SYDE2: variants seen among roughly 807,000 people sequenced by gnomAD.
SYDE2 encodes the protein synapse defective Rho GTPase homolog 2, also known as rho GTPase-activating protein SYDE2.
A neutral mutation model predicts 91.5 loss-of-function variants in SYDE2; 76 were observed. The observed-to-expected ratio is 0.83, with a 90% CI of 0.69 to 1.01. SYDE2 has a LOEUF of 1.01. Ranked by LOEUF, SYDE2 falls within the 50% of genes least tolerant of loss-of-function variation. The pLI is 0.00. For missense variants in SYDE2, 1,364 were observed against 1,367.7 expected (o/e 1.00, Z 0.04); for synonymous variants, 513 against 506.4 (o/e 1.01, Z -0.18).
chr1:85,183,117 C>CT lies in SYDE2; in HGVS notation c.1524dup (p.Gly509ArgfsTer5), dbSNP rs1658002013. 1 of 1,613,120 alleles carries CT rather than the reference C, an allele frequency of 6.2e-7. No homozygotes were observed. On this transcript the variant is annotated frameshift_variant, in exon 3 of 7. Transcript: ENST00000341460. LOFTEE classifies it high-confidence loss of function. Reference sequence around the variant, plus strand: ...GGCAATGACCAATTAATTGAACTGCCTTTTTTCACAGGGCTAGGATTTGGA... The same window carrying CT: ...GGCAATGACCAATTAATTGAACTGCCTTTTTTTCACAGGGCTAGGATTTGGA...
intron 6 of SYDE2, 94 bp from the exon 7 acceptor site, chr1:85,159,343 A>G (rs1656980716): frequency 2.9e-6 from 2 of 686,082 alleles, no homozygotes; most frequent in Middle Eastern, 3.3e-4. Context: ...ATCATCAACT[A>G]CAAACATGCA....
intron 4 of SYDE2, among the ~76,000 whole-genome samples, chr1:85,172,238 T>C (rs1657527739): frequency 6.6e-6 from 1 of 152,164 alleles, no homozygotes; most frequent in Non-Finnish European, 1.5e-5. Flanking sequence ...ATCTGATGGC[T>C]TCTGTTTTCT....
intron 4 of SYDE2, among the ~76,000 whole-genome samples, chr1:85,173,953 A>C (rs541485838): frequency 1.4e-4 from 21 of 152,206 alleles, no homozygotes; most frequent in Non-Finnish European, 2.4e-4. Flanking sequence ...TGAAACTAAA[A>C]ATGCAATGAA....
chr1:85,179,940 T>A (rs1657847163), intron 3 of SYDE2, among the ~76,000 whole-genome samples: 1 of 141,692 alleles, frequency 7.1e-6, no homozygotes, highest in South Asian at 2.1e-4. Flanking sequence ...TATAATTTTT[T>A]AAAAGATGAA....
chr1:85,169,050 A>C lies in SYDE2; in HGVS notation c.2847T>G (p.Ile949Met). 4.3e-6 allele frequency: 7 copies of C among 1,613,796 alleles called. No individual in the cohort carries two copies. Among genetic ancestry groups the C allele is most frequent in the Non-Finnish European group, 5.9e-6 (7 of 1,179,730 alleles). The change falls in exon 5 of 7, where the codon ATT (isoleucine) becomes ATG (methionine). Residue 949 changes from isoleucine (I) to methionine (M), a missense_variant. Physicochemically the swap from Ile to Met is conservative, Grantham distance 10 (BLOSUM62 1). Transcript: ENST00000341460. The part of the protein sequence containing the change: ...TVDLLDCLPE[I>M]EKATLKMLLD... ...GTATACTGGTAATGCTTACCTTCTC[A>C]ATCTCTGGCAGACAATCCAGCAGGT...
Position 85,200,944 on chromosome 1 carries a change from G to C in SYDE2, c.53C>G (p.Ala18Gly), listed in dbSNP as rs748480058. ...SGARRGGRGL[A>G]DHSFPAGARA... ...GGCTCCCGCGGGGAAGCTGTGATCC[G>C]CCAAGCCCCTGCCGCCCCGCCGCGC... Residue 18 changes from alanine (A) to glycine (G), a missense_variant, in exon 1 of 7, where the codon GCG (alanine) becomes GGG (glycine). Transcript: ENST00000341460. 40 of 1,299,320 alleles carry C rather than the reference G, an allele frequency of 3.1e-5. 1 individual carries two copies. The highest frequency in any genetic ancestry group is 3.8e-5 in the Non-Finnish European group (39 of 1,032,430). 80.5% of individuals were successfully genotyped at this position (1,299,320 alleles called of 1,614,324 possible). A position where few individuals can be genotyped will look rare whatever the true frequency, so the allele number is the denominator to read the frequency against.
chr1:85,170,114 C>CT (rs5775829), intron 4 of SYDE2, among the ~76,000 whole-genome samples: 97,767 of 131,248 alleles, frequency 0.74, 37,474 homozygotes, highest in South Asian at 0.93. Flanking sequence ...CTTCCCATCT[C>CT]TTTTTTTTTT....
rs770129767 is a variant in SYDE2 at position 85,182,614 on chromosome 1, C to T, written c.2028G>A (p.Gln676=). ...GTACACTCATGAGCCCAGATATGTA[C>T]TGTGAACACTTAGGTTGATCAGAAA... ...YSFSDQPKCS[Q]YISGLMSVHF... The change falls in exon 3 of 7, where the codon CAG becomes CAA. Residue 676 remains glutamine (Q), a synonymous_variant. Coordinates refer to ENST00000341460, the MANE Select transcript of SYDE2 (RefSeq NM_032184.2). 2 of 1,613,918 alleles carry T rather than the reference C, an allele frequency of 1.2e-6. No homozygotes were observed. The highest frequency in any genetic ancestry group is 1.7e-6 in the Non-Finnish European group (2 of 1,179,854).
At chr1:85,162,407 C>G (rs182374402) in intron 6 of SYDE2, among the ~76,000 whole-genome samples, 1 of 152,134 alleles carries the variant, frequency 6.6e-6, no homozygotes, top group Non-Finnish European at 1.5e-5. Flanking sequence ...AAATGCACCT[C>G]GTCTACTTGA....
intron 5 of SYDE2, among the ~76,000 whole-genome samples, chr1:85,166,345 A>C (rs1657276183): frequency 6.6e-6 from 1 of 151,926 alleles, no homozygotes; most frequent in South Asian, 2.1e-4. Flanking sequence ...TCTCAAAAAA[A>C]AAAAAAATTT....
At chr1:85,184,114 A>C (rs1658036689) in intron 2 of SYDE2, among the ~76,000 whole-genome samples, 2 of 152,212 alleles carry the variant, frequency 1.3e-5, no homozygotes, top group South Asian at 4.1e-4. Context: ...CTTTAAAAAG[A>C]AGGTACAAAA....
At chr1:85,172,369 C>A (rs533494257) in intron 4 of SYDE2, among the ~76,000 whole-genome samples, 28 of 152,214 alleles carry the variant, frequency 1.8e-4, no homozygotes, top group Admixed American at 8.5e-4. Flanking sequence ...GGAAAACATA[C>A]AATTATTAGG....
intron 3 of SYDE2, chr1:85,181,507 G>T (rs1657919422): frequency 6.6e-6 from 1 of 152,092 alleles, no homozygotes; most frequent in African/African-American, 2.4e-5. Flanking sequence ...TAAGTGACTT[G>T]CCCAACATGA....
intron 1 of SYDE2, among the ~76,000 whole-genome samples, chr1:85,194,074 TATA>T (rs1658484195): frequency 6.6e-6 from 1 of 151,948 alleles, no homozygotes; most frequent in African/African-American, 2.4e-5. Flanking sequence ...ATTATAAATA[TATA>T]ATATTACAAA....
At chr1:85,160,882 A>C in intron 6 of SYDE2, 1 of 985,396 alleles carries the variant, frequency 1.0e-6, no homozygotes, top group Non-Finnish European at 1.2e-6. Flanking sequence ...AGAGTTACTC[A>C]CCTAAGACCC....
At chr1:85,166,212 C>T (rs146957355) in intron 5 of SYDE2, among the ~76,000 whole-genome samples, 90 of 151,856 alleles carry the variant, frequency 5.9e-4, no homozygotes, top group African/African-American at 2.1e-3. Flanking sequence ...TGGTGGTGCA[C>T]ACCTGTAATC....
In SYDE2 at chr1:85,178,246, A is replaced by G; in HGVS notation, c.2571T>C (p.Gly857=). ...GCAGTTCTTTCTTGACTGCTGCCGA[A>G]CCACATAATCGATACAGGCCTACTA... ...CQVVGLYRLC[G]SAAVKKELRE... Residue 857 remains glycine, a synonymous_variant, in exon 4 of 7, where the codon GGT becomes GGC. Transcript: ENST00000341460. 1 of 1,579,770 alleles carries G rather than the reference A, an allele frequency of 6.3e-7. No homozygotes were observed. Among genetic ancestry groups the G allele is most frequent in the Non-Finnish European group, 8.6e-7 (1 of 1,161,622 alleles).
intron 6 of SYDE2, among the ~76,000 whole-genome samples, chr1:85,163,388 A>G (rs1657132316): frequency 6.9e-6 from 1 of 144,736 alleles, no homozygotes; most frequent in Non-Finnish European, 1.5e-5. Flanking sequence ...AATTTTTATT[A>G]ACTTAATTTT....
At position 85,198,378 on chromosome 1, in the gene SYDE2, A is replaced by T. The variant is rs573026749; in HGVS notation, c.745+1874T>A. On this transcript the variant is annotated intron_variant, in intron 1 of 6. Transcript: ENST00000341460. ...GACCAACTAAACTTCATGAAAAATAATTTTTTTAAAAAGCTCTCCAAATCT... is the reference window on the plus strand; with the variant it reads ...GACCAACTAAACTTCATGAAAAATATTTTTTTTAAAAAGCTCTCCAAATCT... 7.2e-5 allele frequency among the ~76,000 whole-genome samples: 11 copies of T among 152,150 alleles called. No homozygotes were observed. The East Asian group carries it at 2.1e-3, about 29-fold the overall frequency.
Sources: gnomAD v4.1 joint callset for allele counts (sites outside exome capture counted in the v4.1 genomes callset) on GRCh38, gnomAD v4.1.1 for gene constraint, MANE v1.5 for transcripts, NCBI Gene and HGNC (gene_info 2026-07-23, HGNC 2026-07-21) for gene names.